The following P4HTM variants were observed in gnomAD, a reference collection of about 807,000 sequenced individuals.
P4HTM encodes the protein prolyl 4-hydroxylase, transmembrane.
P4HTM carries 33 observed loss-of-function variants against 55.3 expected under a neutral mutation model. The observed-to-expected ratio is 0.60, with a 90% confidence interval of 0.45 to 0.80. P4HTM has a LOEUF of 0.80. Among genes scored for constraint, P4HTM ranks in the 30% least tolerant of loss-of-function variants. The pLI is 0.00. For missense variants in P4HTM, 542 were observed against 696.5 expected, an observed-to-expected ratio of 0.78 and a Z score of 2.50; for synonymous variants, 272 against 286.4, an observed-to-expected ratio of 0.95 and a Z score of 0.51.
chr3:49,004,665 T>G, intron 5 of P4HTM, 196 bp from the exon 6 acceptor site: 2 of 611,570 alleles, frequency 3.3e-6, no homozygotes, highest in East Asian at 5.5e-5. Flanking sequence ...GTCTCTGTCT[T>G]TGGCATCTGA....
rs376905677 is a variant in P4HTM at position 49,006,892 on chromosome 3, G to A, written c.1494G>A (p.Ala498=). 8 of 1,611,932 alleles carry A rather than the reference G, an allele frequency of 5.0e-6. No individual in the cohort carries two copies. The African/African-American group carries it at 1.1e-4, about 22-fold the overall frequency. Residue 498 remains alanine (A), a synonymous_variant, in exon 9 of 9, where the codon GCG becomes GCA. Coordinates refer to ENST00000383729, the MANE Select transcript of P4HTM (RefSeq NM_177939.3). ...EWALDRAYRD[A]RVEL ...CTCTGGACCGGGCCTACCGCGATGC[G>A]CGCGTGGAACTCTGAGGGAAGAGTT... is the stretch of plus-strand genomic sequence containing the variant.
chr3:49,001,846 G>C (rs1168792657), intron 3 of P4HTM, among the ~76,000 whole-genome samples: 1 of 152,242 alleles, frequency 6.6e-6, no homozygotes, highest in Non-Finnish European at 1.5e-5. Flanking sequence ...ACCTGGGGGT[G>C]ATGGCATTTA....
intron 4 of P4HTM, 147 bp from the exon 5 acceptor site, chr3:49,003,951 G>A: frequency 1.4e-6 from 1 of 695,782 alleles, no homozygotes; most frequent in Non-Finnish European, 2.4e-6. Flanking sequence ...TGACCCAAAA[G>A]TCCAGGTGGG....
rs1024600841 is a variant in P4HTM at position 49,004,226 on chromosome 3, G to A, written c.853G>A (p.Gly285Ser). 1 of 1,548,804 alleles carries A rather than the reference G, an allele frequency of 6.5e-7. No homozygotes were observed. Among genetic ancestry groups the A allele is most frequent in the African/African-American group, 1.4e-5 (1 of 72,970 alleles). The change falls in exon 5 of 9, where the codon GGT (glycine) becomes AGT (serine). Residue 285 changes from glycine (G) to serine (S), a missense_variant. This residue lies in a region of P4HTM where 536 missense variants were observed against 672.1 expected (regional missense o/e 0.80). Transcript: ENST00000383729. ...CCATACCTGGCTCTACCAGGGTGAG[G>A]GTGCCCACCACATCATGCGTGCCAT... is the stretch of plus-strand genomic sequence containing the variant. ...SHHTWLYQGE[G>S]AHHIMRAIRQ...
At chr3:48,991,712 C>T (rs1199010978) in intron 2 of P4HTM, 4 of 152,216 alleles carry the variant, frequency 2.6e-5, no homozygotes, top group African/African-American at 9.7e-5. Context: ...AGTAAAGCCA[C>T]AGTGCGAGCT....
In P4HTM at chr3:49,005,765, C is replaced by G. The variant is rs201767744; in HGVS notation, c.1074-12C>G. On this transcript the variant is annotated splice_polypyrimidine_tract_variant and intron_variant, in intron 6 of 8. Transcript: ENST00000383729. ...AACTGGGGACCTGCTCAGTGCCCCC[C>G]CTGCCTTACAGCTACATGACAGTGC... 3 of 1,595,702 alleles carry G rather than the reference C, an allele frequency of 1.9e-6. No homozygotes were observed. The highest frequency in any genetic ancestry group is 2.2e-5 in the East Asian group (1 of 44,652).
chr3:49,007,027 A>G lies in P4HTM; in HGVS notation c.*120A>G. 1 of 812,406 alleles carries G rather than the reference A, an allele frequency of 1.2e-6. No individual in the cohort carries two copies. The highest frequency in any genetic ancestry group is 1.9e-6 in the Non-Finnish European group (1 of 512,896). The allele number at this position is 812,406 out of a possible 1,614,324, so 50.3% of individuals were successfully genotyped here. On this transcript the variant is annotated 3_prime_UTR_variant, in exon 9 of 9. Coordinates refer to ENST00000383729, the MANE Select transcript of P4HTM (RefSeq NM_177939.3). The surrounding 1 kb of genome is among the most constrained non-coding windows in gnomAD (Gnocchi z 5.1). The stretch of plus-strand genomic sequence containing the variant: ...GGCCAATGTCTTGCCCCACCCCGCC[A>G]GCCGCGATACGGCGCAGTTCCTATA...
In P4HTM at chr3:49,006,984, G is replaced by C; in HGVS notation, c.*77G>C. 1.7e-6 allele frequency: 2 copies of C among 1,211,922 alleles called. No individual in the cohort carries two copies. Among genetic ancestry groups the C allele is most frequent in the East Asian group, 2.5e-5 (1 of 39,330 alleles). The allele number at this position is 1,211,922 out of a possible 1,614,324, so 75.1% of individuals were successfully genotyped here. On this transcript the variant is annotated 3_prime_UTR_variant, in exon 9 of 9. Coordinates refer to ENST00000383729, the MANE Select transcript of P4HTM (RefSeq NM_177939.3). ...AGGGGTCCGGCTGTCCTTCTGTCCT[G>C]CTGCAGACTAAAGGTCTGGCCAATG...
chr3:49,006,305 C>T (rs2092981068), intron 8 of P4HTM, 118 bp downstream of exon 8: 1 of 1,154,202 alleles, frequency 8.7e-7, no homozygotes, highest in African/African-American at 1.5e-5. Flanking sequence ...TTTTCTGCTC[C>T]TGGTGCCTCC....
chr3:48,994,039 G>T (rs1382623154), intron 2 of P4HTM, among the ~76,000 whole-genome samples: 1 of 152,150 alleles, frequency 6.6e-6, no homozygotes, highest in East Asian at 1.9e-4. Context: ...TGCAATCAAT[G>T]ATTACAGGAA....
At chr3:49,000,340 A>G (rs2092957583) in intron 2 of P4HTM, among the ~76,000 whole-genome samples, 1 of 152,170 alleles carries the variant, frequency 6.6e-6, no homozygotes, top group Non-Finnish European at 1.5e-5. Flanking sequence ...GCTTGAACCC[A>G]GGAAATTGAG....
At chr3:48,992,945 G>A (rs1451933689) in intron 2 of P4HTM, among the ~76,000 whole-genome samples, 1 of 152,036 alleles carries the variant, frequency 6.6e-6, no homozygotes, top group East Asian at 2.0e-4. Flanking sequence ...GGGATTACAG[G>A]TGTGAACCAC....
At chr3:48,992,790 C>A (rs529969266) in intron 2 of P4HTM, among the ~76,000 whole-genome samples, 1 of 150,148 alleles carries the variant, frequency 6.7e-6, no homozygotes, top group East Asian at 2.1e-4. Context: ...CTCAGCCTCC[C>A]AAGTAGCTGG....
Position 49,002,931 on chromosome 3 carries a change from T to C in P4HTM, c.724+335T>C. ...GGGTGGAGCAGGAGCAAGGCGACAG[T>C]GAGGCCAGCTAGAGCTTGGCTGTTT... On this transcript the variant is annotated intron_variant, in intron 4 of 8. Transcript: ENST00000383729. The surrounding 1 kb of genome is among the most constrained non-coding windows in gnomAD (Gnocchi z 4.4). 2.5e-6 allele frequency: 1 copy of C among 402,698 alleles called. No homozygotes were observed. Among genetic ancestry groups the C allele is most frequent in the Admixed American group, 3.6e-5 (1 of 27,938 alleles). The allele number at this position is 402,698 out of a possible 1,614,324, so 24.9% of individuals were successfully genotyped here. A position where few individuals can be genotyped will look rare whatever the true frequency, so the allele number is the denominator to read the frequency against.
At position 49,002,642 on chromosome 3, in the gene P4HTM, C is replaced by A. The variant is rs771466026; in HGVS notation, c.724+46C>A. ...AGTCCTATCCCCGTGAGCCTCCTGC[C>A]CACTCCCAGGTGCACAATTTTGAAA... On this transcript the variant is annotated intron_variant, in intron 4 of 8. Coordinates refer to ENST00000383729, the MANE Select transcript of P4HTM (RefSeq NM_177939.3). This position sits in a 1 kb window ranked among gnomAD's most constrained non-coding sequence, Gnocchi z 4.4. 2 of 1,442,626 alleles carry A rather than the reference C, an allele frequency of 1.4e-6. No homozygotes were observed. The highest frequency in any genetic ancestry group is 2.0e-6 in the Non-Finnish European group (2 of 1,023,324). 89.4% of individuals were successfully genotyped at this position (1,442,626 alleles called of 1,614,324 possible). A position where few individuals can be genotyped will look rare whatever the true frequency, so the allele number is the denominator to read the frequency against.
At chr3:48,991,215 T>C (rs1286225901) in intron 2 of P4HTM, 2 of 339,854 alleles carry the variant, frequency 5.9e-6, no homozygotes, top group East Asian at 1.1e-4. Context: ...CTTCTAGAAC[T>C]GGGAGGAAGG....
intron 4 of P4HTM, chr3:49,003,086 G>T: frequency 1.3e-5 from 4 of 298,772 alleles, no homozygotes; most frequent in Non-Finnish European, 2.6e-5. Flanking sequence ...TAAAATGGTA[G>T]TGCTGCTACC....
intron 2 of P4HTM, among the ~76,000 whole-genome samples, chr3:48,996,795 G>A (rs535222794): frequency 2.0e-5 from 3 of 152,148 alleles, no homozygotes; most frequent in Non-Finnish European, 4.4e-5. Context: ...TCCGGGGTTC[G>A]ACAAACAGCA....
chr3:49,001,608 G>A lies in P4HTM; in HGVS notation c.607G>A (p.Gly203Arg). The change falls in exon 3 of 9, where the codon GGG becomes AGG. Residue 203 changes from glycine to arginine, a missense_variant. Gly to Arg is a moderately radical substitution (Grantham distance 125). This residue lies in a region of P4HTM where 536 missense variants were observed against 672.1 expected (regional missense o/e 0.80). Transcript: ENST00000383729. ...LFRLLDQNRD[G>R]HLQLREVLAQ... is the part of the protein sequence containing the mutation. ...CCGGCTGCTGGACCAGAACCGTGAT[G>A]GGCACCTTCAGCTCCGTGAGGTTGG... The A allele has an allele frequency of 6.2e-7, 1 of 1,611,592 alleles. No homozygotes were observed. The highest frequency in any genetic ancestry group is 1.1e-5 in the South Asian group (1 of 91,052).
Sources: gnomAD v4.1 joint callset for allele counts (sites outside exome capture counted in the v4.1 genomes callset) on GRCh38, gnomAD v4.1.1 for gene constraint, gnomAD v4.1.1 regional missense constraint, Gnocchi (gnomAD v3.1) non-coding constraint, MANE v1.5 for transcripts, NCBI Gene and HGNC (gene_info 2026-07-23, HGNC 2026-07-21) for gene names.